DMD: variants seen among roughly 807,000 people sequenced by gnomAD.
The protein encoded by DMD is dystrophin.
DMD carries 63 observed loss-of-function variants against 330.1 expected under a neutral mutation model. The observed-to-expected ratio is 0.19, with a 90% confidence interval of 0.16 to 0.24. The LOEUF is 0.24. DMD is among the 10% of genes least tolerant of loss of function. DMD has a pLI of 1.00. For synonymous variants in DMD, 1,223 were observed against 959.8 expected (o/e 1.27, Z -5.07); for missense variants, 3,344 against 2,684.1 (o/e 1.25, Z -5.43).
rs756953688 is a variant in DMD, at chrX:32,461,545, AT to A, written c.3432+1893del. ...CTTGAACAACAAATTCTTAGTACAT[AT>A]AACAGACATAAGGTCTTAAGCAAAG... On this transcript the variant is annotated intron_variant, in intron 25 of 78. Coordinates refer to ENST00000357033, the MANE Select transcript of DMD (RefSeq NM_004006.3). Among the ~76,000 whole-genome samples the A allele has an allele frequency of 1.6e-4, 18 of 111,511 alleles. No homozygotes were observed. In the Admixed American group the frequency reaches 1.6e-3, roughly 10 times the overall value.
chrX:32,613,218 A>G (rs1399898074), intron 12 of DMD, among the ~76,000 whole-genome samples: 2 of 111,577 alleles, frequency 1.8e-5, no homozygotes, highest in African/African-American at 6.5e-5. Flanking sequence ...ATTTACATTT[A>G]AGTAGGCTTC....
At chrX:32,358,243 CTGTCATAATTAATA>C (rs1220396295) in intron 37 of DMD, among the ~76,000 whole-genome samples, 3 of 111,030 alleles carry the variant, frequency 2.7e-5, no homozygotes, top group African/African-American at 9.8e-5. Context: ...AGGGGTAGAA[CTGTCATAATTAATA>C]TGAATAAATA....
chrX:32,966,210 A>T (rs890008243), intron 2 of DMD, among the ~76,000 whole-genome samples: 2 of 111,819 alleles, frequency 1.8e-5, no homozygotes, highest in African/African-American at 6.5e-5. Flanking sequence ...ATAACTTAAA[A>T]CTCTCCATAA....
chrX:31,221,834 T>A (rs182246578), intron 64 of DMD, among the ~76,000 whole-genome samples: 2,044 of 111,691 alleles, frequency 0.018, 26 homozygotes, highest in Non-Finnish European at 0.029. Flanking sequence ...GGCGGGTGAA[T>A]CACCTGAGGT....
chrX:32,330,905 A>G (rs1280487571), intron 41 of DMD, among the ~76,000 whole-genome samples: 8 of 111,713 alleles, frequency 7.2e-5, no homozygotes, highest in Non-Finnish European at 7.5e-5. Context: ...AAATGAACAA[A>G]AAAAGGAAGA....
chrX:32,796,061 A>G (rs1262815571), intron 7 of DMD, among the ~76,000 whole-genome samples: 1 of 110,393 alleles, frequency 9.1e-6, no homozygotes, highest in Non-Finnish European at 1.9e-5. Context: ...AGATTTCTCA[A>G]AAAACTAAAC....
At position 32,959,969 on chromosome X, in the gene DMD, G is replaced by A. The variant is rs753244132; in HGVS notation, c.93+60170C>T. On this transcript the variant is annotated intron_variant, in intron 2 of 78. Coordinates refer to ENST00000357033, the MANE Select transcript of DMD (RefSeq NM_004006.3). ...TCAGATTACCACTCTACCATCTGAA[G>A]ATGCTTAGAATTCAATGTCTAGAAA... Among the ~76,000 whole-genome samples, 22 of 111,782 alleles carry A rather than the reference G, an allele frequency of 2.0e-4. No individual in the cohort carries two copies. The South Asian group carries it at 5.6e-3, about 29-fold the overall frequency.
At chrX:32,729,212 T>A (rs1193617265) in intron 7 of DMD, among the ~76,000 whole-genome samples, 1 of 111,994 alleles carries the variant, frequency 8.9e-6, no homozygotes, top group African/African-American at 3.2e-5. Flanking sequence ...ATTTTCAGAT[T>A]ATGGATGCTC....
chrX:31,984,000 A>G (rs1413272962), intron 44 of DMD, among the ~76,000 whole-genome samples: 1 of 111,815 alleles, frequency 8.9e-6, no homozygotes. Context: ...TCAAATACTT[A>G]GATATTAAAG....
intron 60 of DMD, among the ~76,000 whole-genome samples, chrX:31,416,853 G>A (rs775864746): frequency 1.8e-5 from 2 of 112,038 alleles, no homozygotes; most frequent in African/African-American, 3.2e-5. Flanking sequence ...TAAAATGAGC[G>A]GTAAGTAAAT....
At chrX:32,948,166 G>T (rs1203090240) in intron 2 of DMD, among the ~76,000 whole-genome samples, 1 of 109,097 alleles carries the variant, frequency 9.2e-6, no homozygotes, top group Non-Finnish European at 1.9e-5. Context: ...CGGAGGGAGA[G>T]AAAGTGTATT....
intron 3 of DMD, among the ~76,000 whole-genome samples, chrX:32,849,194 A>T (rs971828994): frequency 2.7e-5 from 3 of 111,910 alleles, no homozygotes; most frequent in African/African-American, 9.8e-5. Flanking sequence ...CCCCCAGTGT[A>T]AGACCTTGAT....
rs1181438442 is a variant in DMD at position 33,065,975 on chromosome X, C to G, written c.32-45775G>C. Among the ~76,000 whole-genome samples, 4 of 110,248 alleles carry G rather than the reference C, an allele frequency of 3.6e-5. No homozygotes were observed. The East Asian group carries it at 1.2e-3, about 32-fold the overall frequency. On this transcript the variant is annotated intron_variant, in intron 1 of 78. Transcript: ENST00000357033. The stretch of plus-strand genomic sequence containing the variant: ...AGATGAGCAGGAAACATTTCTCACT[C>G]TCCTCTAAGTGAATGCTAATATGAT...
intron 29 of DMD, among the ~76,000 whole-genome samples, chrX:32,416,203 T>C (rs186709051): frequency 2.1e-4 from 24 of 112,376 alleles, no homozygotes; most frequent in Admixed American, 2.1e-3. Context: ...AATAATATTT[T>C]ACAAAAAACA....
At chrX:32,404,631 A>G (rs1302939673) in intron 30 of DMD, among the ~76,000 whole-genome samples, 1 of 111,723 alleles carries the variant, frequency 9.0e-6, no homozygotes, top group Non-Finnish European at 1.9e-5. Flanking sequence ...ACAGGTGCCC[A>G]TGTTGGGTTG....
chrX:32,374,396 A>C (rs182610590), intron 34 of DMD, among the ~76,000 whole-genome samples: 26 of 111,596 alleles, frequency 2.3e-4, no homozygotes, highest in Admixed American at 2.2e-3. Context: ...GTCCAGAAGA[A>C]CTTTTCCTAG....
At chrX:31,409,620 C>T (rs143701533) in intron 60 of DMD, among the ~76,000 whole-genome samples, 1,125 of 111,560 alleles carry the variant, frequency 0.01, 15 homozygotes, top group African/African-American at 0.035. Context: ...TCCTTGGGCC[C>T]TAATACAATC....
chrX:32,100,570 G>A (rs780189593), intron 44 of DMD, among the ~76,000 whole-genome samples: 3 of 110,708 alleles, frequency 2.7e-5, no homozygotes, highest in Non-Finnish European at 5.7e-5. Context: ...GTCTTCAGCT[G>A]CAATGAGAAA....
At chrX:31,358,020 ACT>A (rs763236184) in intron 60 of DMD, among the ~76,000 whole-genome samples, 26 of 103,194 alleles carry the variant, frequency 2.5e-4, no homozygotes, top group Admixed American at 2.4e-3. Context: ...CAGAATTAAA[ACT>A]CTGCCATGGA....
Sources: gnomAD v4.1 joint callset for allele counts (sites outside exome capture counted in the v4.1 genomes callset) on GRCh38, gnomAD v4.1.1 for gene constraint, MANE v1.5 for transcripts, NCBI Gene and HGNC (gene_info 2026-07-23, HGNC 2026-07-21) for gene names.